SPAG9: variants seen among roughly 807,000 people sequenced by gnomAD.
The protein encoded by SPAG9 is sperm associated antigen 9.
SPAG9 carries 35 observed loss-of-function variants against 166.5 expected under a neutral mutation model. That is an observed-to-expected ratio of 0.21 (90% CI 0.16 to 0.28). SPAG9 has a LOEUF of 0.28. Among genes scored for constraint, SPAG9 ranks in the 10% least tolerant of loss-of-function variants. The pLI is 1.00. For missense variants in SPAG9, 1,235 were observed against 1,603.3 expected (o/e 0.77, Z 3.92); for synonymous variants, 534 against 565.5 (o/e 0.94, Z 0.79).
At position 50,991,284 on chromosome 17, in the gene SPAG9, T is replaced by G. The variant is rs118085794; in HGVS notation, c.2399-616A>C. On this transcript the variant is annotated intron_variant, in intron 19 of 29. Coordinates refer to ENST00000262013, the MANE Select transcript of SPAG9 (RefSeq NM_001130528.3). ...CTGACAACATCAGCCAAAAAAAAATTCTTTTAAATCATCAAGACTACTGCT... is the reference window on the plus strand; with the variant it reads ...CTGACAACATCAGCCAAAAAAAAATGCTTTTAAATCATCAAGACTACTGCT... 6.6e-3 allele frequency among the ~76,000 whole-genome samples: 1,006 copies of G among 152,212 alleles called. 6 individuals are homozygous for G. Among genetic ancestry groups the G allele is most frequent in the Middle Eastern group, 0.01 (3 of 294 alleles).
intron 2 of SPAG9, 65 bp from the exon 3 acceptor site, chr17:51,056,547 T>A: frequency 9.7e-7 from 1 of 1,031,470 alleles, no homozygotes; most frequent in East Asian, 2.4e-5. Context: ...AAGTACATGT[T>A]AGACTCAGAA....
At chr17:51,112,602 T>C (rs776204439) in intron 1 of SPAG9, among the ~76,000 whole-genome samples, 5 of 129,338 alleles carry the variant, frequency 3.9e-5, no homozygotes, top group African/African-American at 1.2e-4. Flanking sequence ...ACCCAGGTGG[T>C]GGAGGTTGCA....
intron 19 of SPAG9, among the ~76,000 whole-genome samples, chr17:50,992,269 G>A (rs138315655): frequency 1.1e-4 from 16 of 152,048 alleles, no homozygotes; most frequent in African/African-American, 3.1e-4. Context: ...TCATATAAGC[G>A]GAATCATATA....
rs1974125254 is a variant in SPAG9, at chr17:50,975,214, A to T, written c.3524-267T>A. On this transcript the variant is annotated intron_variant, in intron 27 of 29. Transcript: ENST00000262013. ...TTTTAAACACATCTATTCATTTAAA[A>T]AATAATTTTAGTTAAAAAAAAAACA... 4 of 334,442 alleles carry T rather than the reference A, an allele frequency of 1.2e-5. No individual in the cohort carries two copies. The South Asian group carries it at 2.3e-4, about 20-fold the overall frequency. The allele number at this position is 334,442 out of a possible 1,614,324, so 20.7% of individuals were successfully genotyped here.
chr17:50,979,667 C>T (rs568342020), intron 26 of SPAG9, 79 bp downstream of exon 26: 407 of 1,391,668 alleles, frequency 2.9e-4, no homozygotes, highest in Non-Finnish European at 3.6e-4. Context: ...AAAGCAAGAC[C>T]TCATTTCAAT....
At chr17:51,011,046 G>C (rs1213186450) in intron 9 of SPAG9, among the ~76,000 whole-genome samples, 2 of 152,158 alleles carry the variant, frequency 1.3e-5, no homozygotes, top group Non-Finnish European at 2.9e-5. Flanking sequence ...GACAGGAAAG[G>C]ACACAGGCAA....
chr17:51,014,621 C>G (rs2045623533), intron 8 of SPAG9: 1 of 307,040 alleles, frequency 3.3e-6, no homozygotes, highest in Non-Finnish European at 6.0e-6. Context: ...TGCTCTATAC[C>G]AGGTGCTGGT....
intron 26 of SPAG9, 144 bp from the exon 27 acceptor site, chr17:50,977,365 A>G: frequency 1.6e-6 from 1 of 630,514 alleles, no homozygotes. Context: ...CACAGAGGAA[A>G]TGTGACTAGA....
In SPAG9 at chr17:51,095,626, G is replaced by A. The variant is rs558244761; in HGVS notation, c.304-15922C>T. 2.2e-4 allele frequency among the ~76,000 whole-genome samples: 33 copies of A among 150,888 alleles called. No homozygotes were observed. The South Asian group carries it at 4.8e-3, about 22-fold the overall frequency. ...AGATCATGCCACTGCACTCCAGCCT[G>A]GGCGACAGAGTGAGAATCCATCTCC... On this transcript the variant is annotated intron_variant, in intron 1 of 29. Transcript: ENST00000262013.
chr17:50,995,125 C>A lies in SPAG9; in HGVS notation c.2158G>T (p.Asp720Tyr). 6.2e-7 allele frequency: 1 copy of A among 1,614,052 alleles called. No homozygotes were observed. The highest frequency in any genetic ancestry group is 8.5e-7 in the Non-Finnish European group (1 of 1,179,964). The change falls in exon 18 of 30, where the codon GAT becomes TAT. Residue 720 changes from aspartate (D) to tyrosine (Y), a missense_variant. Physicochemically the swap from Asp to Tyr is radical, Grantham distance 160 (BLOSUM62 -3). This residue lies in a region of SPAG9 where 493 missense variants were observed against 559.4 expected (regional missense o/e 0.88). Transcript: ENST00000262013. The stretch of plus-strand genomic sequence containing the variant: ...CTTCGCTGTTTACTGCCTTCTGTAT[C>A]CAAACCAGCAACATCCTTGTAAAAT... ...SVFYKDVAGL[D>Y]TEGSKQRSAS...
chr17:51,033,135 CA>C (rs2046449088), intron 5 of SPAG9, among the ~76,000 whole-genome samples: 1 of 151,182 alleles, frequency 6.6e-6, no homozygotes, highest in Non-Finnish European at 1.5e-5. Context: ...AGCCAATAAA[CA>C]TATCTAGCAC....
chr17:51,032,491 A>G (rs2046419340), intron 5 of SPAG9, among the ~76,000 whole-genome samples: 1 of 152,248 alleles, frequency 6.6e-6, no homozygotes, highest in South Asian at 2.1e-4. Flanking sequence ...AAATCTATTT[A>G]TTCATATTCT....
In SPAG9 at chr17:50,982,591, T is replaced by C. The variant is rs560002532; in HGVS notation, c.3170A>G (p.His1057Arg). ...CCTATAGCCACACCAGACTTTGTCA[T>C]GTACCACAGTCATGCAACGGATGGA... is the stretch of plus-strand genomic sequence containing the variant. ...HHSIRCMTVVHDKVWCGYRNK... is the reference protein window; with the variant it reads ...HHSIRCMTVVRDKVWCGYRNK... The change falls in exon 25 of 30, where the codon CAT becomes CGT. Residue 1057 changes from histidine (H) to arginine (R), a missense_variant. Physicochemically the swap from His to Arg is conservative, Grantham distance 29. This residue lies in a region of SPAG9 where 243 missense variants were observed against 358.6 expected (regional missense o/e 0.68). Transcript: ENST00000262013. 4 of 1,614,106 alleles carry C rather than the reference T, an allele frequency of 2.5e-6. No homozygotes were observed. The highest frequency in any genetic ancestry group is 1.1e-5 in the South Asian group (1 of 91,072).
At position 50,962,639 on chromosome 17, in the gene SPAG9, T is replaced by C. The variant is rs914060644; in HGVS notation, c.*3633A>G. 4.5e-4 allele frequency: 68 copies of C among 152,360 alleles called. No homozygotes were observed. Among genetic ancestry groups the C allele is most frequent in the African/African-American group, 1.6e-3 (65 of 41,578 alleles). 9.4% of individuals were successfully genotyped at this position (152,360 alleles called of 1,614,324 possible). On this transcript the variant is annotated 3_prime_UTR_variant, in exon 30 of 30. Coordinates refer to ENST00000262013, the MANE Select transcript of SPAG9 (RefSeq NM_001130528.3). Reference sequence around the variant, plus strand: ...GATCAATTAAGAAGAGCCCTAAATCTGGTTGAGTCCTTTGGTAACGGTCAT... The same window carrying C: ...GATCAATTAAGAAGAGCCCTAAATCCGGTTGAGTCCTTTGGTAACGGTCAT...
At position 50,979,878 on chromosome 17, in the gene SPAG9, G is replaced by A; in HGVS notation, c.3277C>T (p.Arg1093Ter). ...CCATCCCCCACCCACGCAAGCTGTC[G>A]CACTTGGCTCTCCTTCCTGGGATGT... The part of the protein sequence containing the change: ...DAHPRKESQV[R>*]QLAWVGDGVW... The change falls in exon 26 of 30, where the codon CGA becomes TGA. Residue 1093 changes from arginine (R) to a stop codon, truncating the protein, a stop_gained. Transcript: ENST00000262013. LOFTEE classifies it high-confidence loss of function. 6.2e-7 allele frequency: 1 copy of A among 1,614,128 alleles called. No individual in the cohort carries two copies. Among genetic ancestry groups the A allele is most frequent in the South Asian group, 1.1e-5 (1 of 91,080 alleles).
intron 3 of SPAG9, among the ~76,000 whole-genome samples, chr17:51,053,889 A>ATATATATG (rs1555650798): frequency 8.6e-6 from 1 of 116,070 alleles, no homozygotes; most frequent in East Asian, 2.6e-4. Flanking sequence ...ATATATATAT[A>ATATATATG]TATATATATA....
intron 2 of SPAG9, among the ~76,000 whole-genome samples, chr17:51,057,971 A>C (rs1363625766): frequency 6.6e-6 from 1 of 152,248 alleles, no homozygotes; most frequent in Non-Finnish European, 1.5e-5. Flanking sequence ...GATATTTAAT[A>C]ATTTCAAAAT....
chr17:50,999,746 A>G (rs1419310278), intron 13 of SPAG9, 29 bp from the exon 14 acceptor site: 2 of 1,586,414 alleles, frequency 1.3e-6, no homozygotes, highest in Non-Finnish European at 1.7e-6. Flanking sequence ...GAAAAGAAAC[A>G]TTTATCAGTG....
chr17:51,048,245 AAT>A (rs1454736368), intron 3 of SPAG9, among the ~76,000 whole-genome samples: 3 of 152,132 alleles, frequency 2.0e-5, no homozygotes, highest in African/African-American at 7.2e-5. Context: ...GATTCTTGAT[AAT>A]ATATAGTTTC....
Sources: gnomAD v4.1 joint callset for allele counts (sites outside exome capture counted in the v4.1 genomes callset) on GRCh38, gnomAD v4.1.1 for gene constraint, gnomAD v4.1.1 regional missense constraint, MANE v1.5 for transcripts, NCBI Gene and HGNC (gene_info 2026-07-23, HGNC 2026-07-21) for gene names.